The following ERC2 variants were observed in gnomAD, a reference collection of about 807,000 sequenced individuals.
ERC2 encodes the protein ELKS/RAB6-interacting/CAST family member 2.
A neutral mutation model predicts 114.8 loss-of-function variants in ERC2; 42 were observed. The observed-to-expected ratio is 0.37, with a 90% CI of 0.29 to 0.47. ERC2 has a LOEUF of 0.47. Ranked by LOEUF, ERC2 falls within the 20% of genes least tolerant of loss-of-function variation. The probability of loss-of-function intolerance (pLI) is 0.99; values close to 1 mark genes in which losing one functional copy is unlikely to be tolerated. For missense variants in ERC2, 939 were observed against 1,150.7 expected, an observed-to-expected ratio of 0.82 and a Z score of 2.66; for synonymous variants, 454 against 425.5, an observed-to-expected ratio of 1.07 and a Z score of -0.82.
intron 3 of ERC2, among the ~76,000 whole-genome samples, chr3:56,193,051 AC>A (rs1383898511): frequency 6.6e-6 from 1 of 152,192 alleles, no homozygotes; most frequent in Admixed American, 6.5e-5. Flanking sequence ...TAATCAATTT[AC>A]AAAACAGGTA....
At chr3:55,893,488 T>C (rs1027588352) in intron 13 of ERC2, among the ~76,000 whole-genome samples, 2 of 152,142 alleles carry the variant, frequency 1.3e-5, no homozygotes, top group East Asian at 1.9e-4. Flanking sequence ...CATCTGGATG[T>C]CCTAATATTA....
At chr3:55,659,954 A>G (rs1340796184) in intron 17 of ERC2, among the ~76,000 whole-genome samples, 1 of 151,878 alleles carries the variant, frequency 6.6e-6, no homozygotes, top group Non-Finnish European at 1.5e-5. Context: ...CCACTACAGC[A>G]CTTATTATAC....
chr3:56,246,605 A>G (rs1382252822), intron 3 of ERC2, among the ~76,000 whole-genome samples: 5 of 152,144 alleles, frequency 3.3e-5, no homozygotes, highest in African/African-American at 9.7e-5. Flanking sequence ...CTCAGACAAG[A>G]TAAGTGTCTT....
chr3:56,316,064 G>C (rs2056847618), intron 2 of ERC2, among the ~76,000 whole-genome samples: 2 of 151,838 alleles, frequency 1.3e-5, no homozygotes, highest in Admixed American at 6.6e-5. Flanking sequence ...AAGTCAGAGG[G>C]AGGCCACAGG....
intron 17 of ERC2, chr3:55,657,363 T>G (rs918825071): frequency 2.6e-5 from 4 of 152,366 alleles, no homozygotes; most frequent in East Asian, 1.9e-4. Context: ...TTCCAAGTCC[T>G]TGAGATGGGA....
At chr3:55,819,970 A>G (rs1293841618) in intron 14 of ERC2, among the ~76,000 whole-genome samples, 2 of 152,212 alleles carry the variant, frequency 1.3e-5, no homozygotes, top group Non-Finnish European at 2.9e-5. Context: ...AGCCTCTTGC[A>G]GGTGTAATTA....
At chr3:55,828,371 C>T (rs1274632396) in intron 14 of ERC2, among the ~76,000 whole-genome samples, 1 of 151,716 alleles carries the variant, frequency 6.6e-6, no homozygotes, top group Non-Finnish European at 1.5e-5. Context: ...GGAAAGAGAC[C>T]CCTGAGGTCC....
intron 10 of ERC2, among the ~76,000 whole-genome samples, chr3:55,993,201 T>C (rs1280660174): frequency 6.6e-6 from 1 of 152,138 alleles, no homozygotes; most frequent in Non-Finnish European, 1.5e-5. Context: ...AAAAAACAAG[T>C]AGTTTATACA....
At chr3:55,816,646 A>G (rs981345105) in intron 14 of ERC2, among the ~76,000 whole-genome samples, 4 of 152,202 alleles carry the variant, frequency 2.6e-5, no homozygotes, top group African/African-American at 9.6e-5. Context: ...CCATTGTTTT[A>G]AGACAATTCA....
intron 3 of ERC2, among the ~76,000 whole-genome samples, chr3:56,285,026 C>CACAT (rs2054594374): frequency 3.6e-5 from 4 of 111,436 alleles, no homozygotes; most frequent in African/African-American, 1.0e-4. Flanking sequence ...CACACACACA[C>CACAT]ACACATACAC....
At position 56,219,674 on chromosome 3, in the gene ERC2, GAAAAAA is replaced by G. The variant is rs35098698; in HGVS notation, c.1075-46160_1075-46155del. Among the ~76,000 whole-genome samples, 104 of 123,114 alleles carry G rather than the reference GAAAAAA, an allele frequency of 8.4e-4. 1 individual carries two copies. The highest frequency in any genetic ancestry group is 2.9e-3 in the Admixed American group (34 of 11,592). The allele number at this position is 123,114 out of a possible 152,430, so 80.8% of individuals were successfully genotyped here. On this transcript the variant is annotated intron_variant, in intron 3 of 17. Coordinates refer to ENST00000288221, the MANE Select transcript of ERC2 (RefSeq NM_015576.3). The stretch of plus-strand genomic sequence containing the variant: ...TTGAAGGACAAGAAGGCTCAAGTGC[GAAAAAA>G]AAAAAAAAAAAGAAATGGGAAAGAG...
Position 56,220,462 on chromosome 3 carries a change from G to C in ERC2, c.1075-46942C>G, listed in dbSNP as rs963300974. Reference sequence around the variant, plus strand: ...GACTGAAGCAGAAATGTATTGAAAGGTTACAGGGCAGCTCACAGGATCATT... The same window carrying C: ...GACTGAAGCAGAAATGTATTGAAAGCTTACAGGGCAGCTCACAGGATCATT... On this transcript the variant is annotated intron_variant, in intron 3 of 17. Coordinates refer to ENST00000288221, the MANE Select transcript of ERC2 (RefSeq NM_015576.3). 3.9e-5 allele frequency among the ~76,000 whole-genome samples: 6 copies of C among 152,186 alleles called. No homozygotes were observed. In the East Asian group the frequency reaches 1.2e-3, roughly 29 times the overall value.
chr3:55,648,018 G>C (rs769375818), intron 17 of ERC2, among the ~76,000 whole-genome samples: 3 of 152,230 alleles, frequency 2.0e-5, no homozygotes, highest in Non-Finnish European at 4.4e-5. Flanking sequence ...CCCAGCGGGG[G>C]GTGGTGGTGG....
At position 55,508,793 on chromosome 3, in the gene ERC2, A is replaced by G. The variant is rs2051911382; in HGVS notation, c.*2523T>C. 6.6e-6 allele frequency: 1 copy of G among 152,606 alleles called. No homozygotes were observed. Among genetic ancestry groups the G allele is most frequent in the African/African-American group, 2.4e-5 (1 of 41,444 alleles). The allele number at this position is 152,606 out of a possible 1,614,324, so 9.5% of individuals were successfully genotyped here. On this transcript the variant is annotated 3_prime_UTR_variant, in exon 18 of 18. Coordinates refer to ENST00000288221, the MANE Select transcript of ERC2 (RefSeq NM_015576.3). ...TGGATACACAAAAATCATTAAATAC[A>G]AAATTGAGACTGTACATCGAAATCA... is the stretch of plus-strand genomic sequence containing the variant.
intron 17 of ERC2, among the ~76,000 whole-genome samples, chr3:55,660,000 A>G (rs928692129): frequency 6.6e-6 from 1 of 151,972 alleles, no homozygotes; most frequent in African/African-American, 2.4e-5. Context: ...TGCTTCCTTC[A>G]TTAGCCTGGA....
chr3:55,813,677 A>T (rs2059804548), intron 14 of ERC2, among the ~76,000 whole-genome samples: 1 of 152,218 alleles, frequency 6.6e-6, no homozygotes, highest in Non-Finnish European at 1.5e-5. Context: ...TTTCCCTAAC[A>T]AATGAAGAAA....
chr3:56,091,608 A>T (rs888835687), intron 6 of ERC2, among the ~76,000 whole-genome samples: 1 of 152,158 alleles, frequency 6.6e-6, no homozygotes, highest in Non-Finnish European at 1.5e-5. Context: ...CTGCACATTT[A>T]CAGATTCACT....
At chr3:56,215,993 A>T (rs549918423) in intron 3 of ERC2, among the ~76,000 whole-genome samples, 1 of 152,340 alleles carries the variant, frequency 6.6e-6, no homozygotes, top group South Asian at 2.1e-4. Flanking sequence ...CATTTAAAGC[A>T]GTGTGTAAAG....
intron 12 of ERC2, among the ~76,000 whole-genome samples, chr3:55,982,971 G>A (rs1013878636): frequency 6.6e-6 from 1 of 152,234 alleles, no homozygotes; most frequent in African/African-American, 2.4e-5. Flanking sequence ...GCTCACGCCT[G>A]CTGCCAGGCG....
Sources: gnomAD v4.1 joint callset for allele counts (sites outside exome capture counted in the v4.1 genomes callset) on GRCh38, gnomAD v4.1.1 for gene constraint, MANE v1.5 for transcripts, NCBI Gene and HGNC (gene_info 2026-07-23, HGNC 2026-07-21) for gene names.